The following KIF2A variants were observed in gnomAD, a reference collection of about 807,000 sequenced individuals.
KIF2A encodes kinesin family member 2A.
A neutral mutation model predicts 100.2 loss-of-function variants in KIF2A; 22 were observed. The ratio of observed to expected loss-of-function variants is 0.22; its 90% CI spans 0.16 to 0.31. The LOEUF (loss-of-function observed/expected upper bound fraction) is 0.31, where lower values mean the gene tolerates loss of function less well. Among genes scored for constraint, KIF2A ranks in the 10% least tolerant of loss-of-function variants. KIF2A has a pLI of 1.00. For missense variants in KIF2A, 495 were observed against 898.7 expected, an observed-to-expected ratio of 0.55 and a Z score of 5.74; for synonymous variants, 268 against 285.9, an observed-to-expected ratio of 0.94 and a Z score of 0.63.
chr5:62,366,266 CAAAT>C lies in KIF2A; in HGVS notation c.1579-145_1579-142del, dbSNP rs1580083407. On this transcript the variant is annotated intron_variant, in intron 15 of 20. Coordinates refer to ENST00000407818, the MANE Select transcript of KIF2A (RefSeq NM_001098511.3). ...CTTTATCTGATTATAGATATGATAA[CAAAT>C]AATCTTGGAGTTGAGATATCATTAA... 24 of 628,490 alleles carry C rather than the reference CAAAT, an allele frequency of 3.8e-5. No homozygotes were observed. In the South Asian group the frequency reaches 4.0e-4, roughly 10 times the overall value. 38.9% of individuals were successfully genotyped at this position (628,490 alleles called of 1,614,324 possible). A position where few individuals can be genotyped will look rare whatever the true frequency, so the allele number is the denominator to read the frequency against.
intron 1 of KIF2A, among the ~76,000 whole-genome samples, chr5:62,328,862 G>A (rs1038827282): frequency 6.6e-6 from 1 of 152,078 alleles, no homozygotes. Flanking sequence ...CGCAAATTCT[G>A]AATGAAACTT....
chr5:62,374,084 C>T (rs1043509679), intron 18 of KIF2A, among the ~76,000 whole-genome samples: 1 of 152,120 alleles, frequency 6.6e-6, no homozygotes, highest in African/African-American at 2.4e-5. Context: ...TGGTGGTATA[C>T]ACCTGTAAGT....
In KIF2A at chr5:62,363,167, GT is replaced by G; in HGVS notation, c.1120-6del. 1.3e-6 allele frequency: 2 copies of G among 1,590,302 alleles called. No homozygotes were observed. The highest frequency in any genetic ancestry group is 1.7e-6 in the Non-Finnish European group (2 of 1,167,834). ...AAGCTAGTTTTCTAATTTGAATATG[GT>G]TTTTCATAGGTGTTTGACTTGCTAA... On this transcript the variant is annotated splice_polypyrimidine_tract_variant and intron_variant, in intron 12 of 20. Coordinates refer to ENST00000407818, the MANE Select transcript of KIF2A (RefSeq NM_001098511.3).
chr5:62,331,739 T>A (rs2111846864), intron 1 of KIF2A, among the ~76,000 whole-genome samples: 1 of 143,888 alleles, frequency 6.9e-6, no homozygotes, highest in South Asian at 2.3e-4. Flanking sequence ...AATCCTATGA[T>A]TAGGGTAGTT....
chr5:62,370,082 G>A (rs1320973671), intron 16 of KIF2A, among the ~76,000 whole-genome samples: 1 of 152,152 alleles, frequency 6.6e-6, no homozygotes, highest in Non-Finnish European at 1.5e-5. Context: ...AATAGGAATA[G>A]TTATCCCTAT....
intron 7 of KIF2A, 62 bp from the exon 8 acceptor site, chr5:62,357,629 T>G: frequency 1.2e-6 from 1 of 809,312 alleles, no homozygotes; most frequent in Non-Finnish European, 2.0e-6. Context: ...ATTACATAAT[T>G]TACGTTTTAG....
At chr5:62,307,277 TGAGA>T (rs1326344234) in intron 1 of KIF2A, 1 of 151,668 alleles carries the variant, frequency 6.6e-6, no homozygotes, top group South Asian at 2.1e-4. Flanking sequence ...GAGGCACTGC[TGAGA>T]GAGTGGGGGT....
At chr5:62,346,776 T>C (rs1300109066) in intron 1 of KIF2A, among the ~76,000 whole-genome samples, 1 of 152,190 alleles carries the variant, frequency 6.6e-6, no homozygotes, top group African/African-American at 2.4e-5. Flanking sequence ...TTGTTCTTTG[T>C]TCTACAGAAT....
rs1321580038 is a variant in KIF2A at position 62,387,652 on chromosome 5, C to T, written c.*2083C>T. On this transcript the variant is annotated 3_prime_UTR_variant, in exon 21 of 21. Coordinates refer to ENST00000407818, the MANE Select transcript of KIF2A (RefSeq NM_001098511.3). ...AGTTCATAGGGGTAGAGGGAAATAA[C>T]CTGAGAAAGCCGAGTTAAATCTTAA... 1.3e-5 allele frequency: 2 copies of T among 151,998 alleles called. No homozygotes were observed. The highest frequency in any genetic ancestry group is 2.9e-5 in the Non-Finnish European group (2 of 67,994). 9.4% of individuals were successfully genotyped at this position (151,998 alleles called of 1,614,324 possible).
chr5:62,329,788 T>C (rs1746545836), intron 1 of KIF2A, among the ~76,000 whole-genome samples: 1 of 152,344 alleles, frequency 6.6e-6, no homozygotes, highest in Non-Finnish European at 1.5e-5. Flanking sequence ...AATTATAATA[T>C]AGACATTAAA....
intron 1 of KIF2A, among the ~76,000 whole-genome samples, chr5:62,308,793 T>C (rs550981751): frequency 1.3e-5 from 2 of 152,096 alleles, no homozygotes; most frequent in African/African-American, 2.4e-5. Context: ...TGGGGAGATA[T>C]AGGTCAAGGA....
intron 6 of KIF2A, 58 bp downstream of exon 6, chr5:62,353,433 G>A: frequency 1.2e-6 from 1 of 809,606 alleles, no homozygotes; most frequent in Non-Finnish European, 1.9e-6. Context: ...GATTATATCA[G>A]TGAAGGTGAT....
chr5:62,379,648 G>A (rs1485244182), intron 19 of KIF2A, among the ~76,000 whole-genome samples: 3 of 143,192 alleles, frequency 2.1e-5, no homozygotes, highest in Admixed American at 6.9e-5. Flanking sequence ...AGCAACAAGA[G>A]TGAAACTCAG....
intron 16 of KIF2A, among the ~76,000 whole-genome samples, chr5:62,370,639 T>G (rs914449065): frequency 6.6e-6 from 1 of 152,050 alleles, no homozygotes; most frequent in African/African-American, 2.4e-5. Flanking sequence ...GGGAAAACTT[T>G]CAGAGTGGAA....
At chr5:62,331,746 A>C (rs1746660803) in intron 1 of KIF2A, among the ~76,000 whole-genome samples, 1 of 126,376 alleles carries the variant, frequency 7.9e-6, no homozygotes, top group Non-Finnish European at 1.6e-5. Context: ...TGATTAGGGT[A>C]GTTAGAAATA....
At chr5:62,345,006 G>A (rs1747483586) in intron 1 of KIF2A, among the ~76,000 whole-genome samples, 1 of 152,138 alleles carries the variant, frequency 6.6e-6, no homozygotes, top group South Asian at 2.1e-4. Context: ...AGCACTTATG[G>A]AGGCCAAGGT....
At chr5:62,360,668 G>A (rs1171779366) in intron 9 of KIF2A, among the ~76,000 whole-genome samples, 6 of 151,570 alleles carry the variant, frequency 4.0e-5, no homozygotes, top group African/African-American at 7.3e-5. Flanking sequence ...CCTGGGGGAC[G>A]AGAACGAGAC....
At position 62,365,079 on chromosome 5, in the gene KIF2A, C is replaced by T. The variant is rs147774505; in HGVS notation, c.1468-164C>T. On this transcript the variant is annotated intron_variant, in intron 14 of 20. Transcript: ENST00000407818. ...CCACACCCCAGCCTGGGTGACAGAG[C>T]GAGACTTTGTCTCAAAAAAAAAATA... Among the ~76,000 whole-genome samples, 1,469 of 151,954 alleles carry T rather than the reference C, an allele frequency of 9.7e-3. 23 individuals are homozygous for T. The highest frequency in any genetic ancestry group is 0.034 in the African/African-American group (1,395 of 41,436).
intron 1 of KIF2A, among the ~76,000 whole-genome samples, chr5:62,309,866 T>G (rs926420070): frequency 6.6e-6 from 1 of 152,172 alleles, no homozygotes; most frequent in Admixed American, 6.5e-5. Flanking sequence ...CTTCACTGAT[T>G]ACTAAAACCA....
Sources: gnomAD v4.1 joint callset for allele counts (sites outside exome capture counted in the v4.1 genomes callset) on GRCh38, gnomAD v4.1.1 for gene constraint, MANE v1.5 for transcripts, NCBI Gene and HGNC (gene_info 2026-07-23, HGNC 2026-07-21) for gene names.